The following ZFHX3 variants were observed in gnomAD, a reference collection of about 807,000 sequenced individuals.
ZFHX3 encodes zinc finger homeobox protein 3.
A neutral mutation model predicts 279.1 loss-of-function variants in ZFHX3; 42 were observed. That is an observed-to-expected ratio of 0.15 (90% confidence interval 0.12 to 0.19). ZFHX3 has a LOEUF of 0.19. Ranked by LOEUF, ZFHX3 falls within the 10% of genes least tolerant of loss-of-function variation. The pLI, the probability that ZFHX3 is intolerant of heterozygous loss-of-function variation, is 1.00. For missense variants in ZFHX3, 4,981 were observed against 4,754.0 expected, an observed-to-expected ratio of 1.05 and a Z score of -1.40; for synonymous variants, 2,293 against 1,957.8, an observed-to-expected ratio of 1.17 and a Z score of -4.52.
At chr16:73,742,454 C>T (rs1207301417) in intron 1 of ZFHX3, among the ~76,000 whole-genome samples, 1 of 152,188 alleles carries the variant, frequency 6.6e-6, no homozygotes, top group East Asian at 1.9e-4. Context: ...CCACCAGCAG[C>T]ATTTAGAAGA....
chr16:73,268,055 C>T (rs1412343052), intron 4 of ZFHX3, among the ~76,000 whole-genome samples: 2 of 152,160 alleles, frequency 1.3e-5, no homozygotes, highest in African/African-American at 4.8e-5. Context: ...ATTTCCATCT[C>T]TGTATGGCTA....
At chr16:73,511,965 A>G (rs2019435321) in intron 2 of ZFHX3, among the ~76,000 whole-genome samples, 1 of 152,140 alleles carries the variant, frequency 6.6e-6, no homozygotes, top group Non-Finnish European at 1.5e-5. Context: ...CCGTAAGATC[A>G]TGCTTGTGGT....
chr16:73,313,214 G>C (rs1462368029), intron 4 of ZFHX3, among the ~76,000 whole-genome samples: 1 of 152,124 alleles, frequency 6.6e-6, no homozygotes. Context: ...CACCATGACT[G>C]TAAGTTTCCT....
At chr16:73,518,720 C>A (rs1408685787) in intron 2 of ZFHX3, among the ~76,000 whole-genome samples, 1 of 152,212 alleles carries the variant, frequency 6.6e-6, no homozygotes, top group Non-Finnish European at 1.5e-5. Flanking sequence ...ACCCATCTAT[C>A]TAACATAAAT....
intron 3 of ZFHX3, chr16:73,387,067 A>G (rs1342350410): frequency 6.6e-6 from 1 of 152,194 alleles, no homozygotes. Context: ...AACTAGAGAG[A>G]ACTGCAAGGA....
chr16:73,026,192 C>CAAAAAAA (rs60146795), intron 1 of ZFHX3, among the ~76,000 whole-genome samples: 7 of 47,484 alleles, frequency 1.5e-4, no homozygotes, highest in East Asian at 7.4e-4. Context: ...ACAAAAAATA[C>CAAAAAAA]AAAAAAAAAA....
chr16:73,891,018 C>T (rs556781198), intron 1 of ZFHX3, among the ~76,000 whole-genome samples: 1 of 145,656 alleles, frequency 6.9e-6, no homozygotes, highest in South Asian at 2.2e-4. Context: ...CCCACCTCGC[C>T]GCTCCCCCCC....
chr16:72,903,844 C>G (rs747697629), intron 3 of ZFHX3, among the ~76,000 whole-genome samples: 1 of 152,180 alleles, frequency 6.6e-6, no homozygotes, highest in Non-Finnish European at 1.5e-5. Context: ...GATCAGATCC[C>G]TGCACTATGC....
At chr16:73,674,230 T>C (rs1168884241) in intron 2 of ZFHX3, among the ~76,000 whole-genome samples, 1 of 151,776 alleles carries the variant, frequency 6.6e-6, no homozygotes, top group Non-Finnish European at 1.5e-5. Flanking sequence ...ATAAAAGGCA[T>C]AGAAAATTAT....
chr16:73,542,772 A>G (rs1312486898), intron 2 of ZFHX3, among the ~76,000 whole-genome samples: 1 of 151,974 alleles, frequency 6.6e-6, no homozygotes, highest in Non-Finnish European at 1.5e-5. Context: ...AGGCATACTC[A>G]TACTAAAAAA....
chr16:73,654,156 C>G (rs2142168463), intron 2 of ZFHX3, among the ~76,000 whole-genome samples: 1 of 149,702 alleles, frequency 6.7e-6, no homozygotes, highest in East Asian at 2.0e-4. Context: ...TGCACTCCAG[C>G]CTGGGTGACA....
intron 1 of ZFHX3, among the ~76,000 whole-genome samples, chr16:73,055,847 TACACACACACAC>T (rs10672414): frequency 5.0e-5 from 7 of 138,628 alleles, no homozygotes; most frequent in African/African-American, 1.4e-4. Flanking sequence ...CCTACAACTC[TACACACACACAC>T]ACACACACAC....
chr16:72,976,962 G>A (rs1227620112), intron 1 of ZFHX3, among the ~76,000 whole-genome samples: 2 of 152,186 alleles, frequency 1.3e-5, no homozygotes, highest in Admixed American at 1.3e-4. Flanking sequence ...GCATTTTAGG[G>A]ATATTTTAGG....
intron 5 of ZFHX3, among the ~76,000 whole-genome samples, chr16:72,819,841 C>T (rs1266172235): frequency 1.3e-5 from 2 of 152,222 alleles, no homozygotes; most frequent in Non-Finnish European, 2.9e-5. Flanking sequence ...AAGGAATAAG[C>T]TCCATGTGTT....
At chr16:73,176,236 C>G (rs1967660789) in intron 5 of ZFHX3, among the ~76,000 whole-genome samples, 1 of 152,164 alleles carries the variant, frequency 6.6e-6, no homozygotes, top group African/African-American at 2.4e-5. Flanking sequence ...TGACTAATGA[C>G]TCCTCATCTG....
At chr16:72,941,563 C>G (rs1960410573) in intron 3 of ZFHX3, among the ~76,000 whole-genome samples, 1 of 152,158 alleles carries the variant, frequency 6.6e-6, no homozygotes, top group Non-Finnish European at 1.5e-5. Flanking sequence ...TGTTGCTTAT[C>G]TGAAATTTAC....
chr16:72,901,592 T>C (rs1015238331), intron 3 of ZFHX3, among the ~76,000 whole-genome samples: 1 of 152,206 alleles, frequency 6.6e-6, no homozygotes, highest in African/African-American at 2.4e-5. Flanking sequence ...TCAACACTTC[T>C]GGCGTCGATC....
Position 73,015,884 on chromosome 16 carries a change from C to T in ZFHX3, c.-50+31868G>A, listed in dbSNP as rs552592483. On this transcript the variant is annotated intron_variant, in intron 1 of 9. Transcript: ENST00000268489. ...GCTGCCGGCTGCCCCAATTGCACAA[C>T]ACCTCCAGGGGAGCCAGCTTTCCAG... is the stretch of plus-strand genomic sequence containing the variant. 2.6e-5 allele frequency: 4 copies of T among 152,402 alleles called. No homozygotes were observed. In the East Asian group the frequency reaches 7.7e-4, roughly 29 times the overall value. 9.4% of individuals were successfully genotyped at this position (152,402 alleles called of 1,614,324 possible).
At chr16:73,752,611 G>A (rs2053771246) in intron 1 of ZFHX3, among the ~76,000 whole-genome samples, 3 of 152,126 alleles carry the variant, frequency 2.0e-5, no homozygotes, top group Non-Finnish European at 4.4e-5. Context: ...CCAGAGCTGA[G>A]TCTCCTTGGC....
Sources: gnomAD v4.1 joint callset for allele counts (sites outside exome capture counted in the v4.1 genomes callset) on GRCh38, gnomAD v4.1.1 for gene constraint, MANE v1.5 for transcripts, NCBI Gene and HGNC (gene_info 2026-07-23, HGNC 2026-07-21) for gene names.